The following GPC6 variants were observed in gnomAD, a reference collection of about 807,000 sequenced individuals.
The protein encoded by GPC6 is glypican-6.
In GPC6, 14 loss-of-function variants were observed where a neutral mutation model predicts 55.2. The observed-to-expected ratio is 0.25, with a 90% CI of 0.17 to 0.40. The LOEUF (loss-of-function observed/expected upper bound fraction) is 0.40, where lower values mean the gene tolerates loss of function less well. Among genes scored for constraint, GPC6 ranks in the 10% least tolerant of loss-of-function variants. The pLI is 1.00. For synonymous variants in GPC6, 278 were observed against 259.6 expected (o/e 1.07, Z -0.68); for missense variants, 641 against 708.5 (o/e 0.90, Z 1.08).
intron 1 of GPC6, among the ~76,000 whole-genome samples, chr13:93,231,360 CGTATATATATATATATAT>C (rs1876018097): frequency 2.7e-4 from 4 of 14,942 alleles, no homozygotes; most frequent in African/African-American, 9.8e-4. Flanking sequence ...TATATATATA[CGTATATATATATATATAT>C]ACATATATAT....
At chr13:93,811,974 G>A (rs922706669) in intron 2 of GPC6, among the ~76,000 whole-genome samples, 3 of 152,118 alleles carry the variant, frequency 2.0e-5, no homozygotes, top group South Asian at 2.1e-4. Context: ...TGGCACCAAC[G>A]TATATCAACA....
At chr13:94,261,346 T>G (rs1891652714) in intron 4 of GPC6, among the ~76,000 whole-genome samples, 1 of 152,132 alleles carries the variant, frequency 6.6e-6, no homozygotes, top group African/African-American at 2.4e-5. Context: ...ATGACACTGT[T>G]CTTGAAAAAG....
At chr13:94,025,027 A>C (rs1257955899) in intron 3 of GPC6, among the ~76,000 whole-genome samples, 6 of 152,248 alleles carry the variant, frequency 3.9e-5, no homozygotes, top group Non-Finnish European at 8.8e-5. Flanking sequence ...AGTTATAAAA[A>C]TGAATGAGAC....
At chr13:93,820,364 T>A (rs1344850553) in intron 2 of GPC6, among the ~76,000 whole-genome samples, 1 of 152,092 alleles carries the variant, frequency 6.6e-6, no homozygotes, top group Non-Finnish European at 1.5e-5. Context: ...TAATTTATAA[T>A]GTTTAAGAGT....
intron 2 of GPC6, chr13:93,818,645 A>C (rs1034713725): frequency 7.2e-5 from 11 of 152,274 alleles, no homozygotes; most frequent in African/African-American, 2.7e-4. Flanking sequence ...GGTGCTGATA[A>C]ATGGGAAAGA....
intron 4 of GPC6, among the ~76,000 whole-genome samples, chr13:94,034,200 A>AG (rs1555289065): frequency 1.4e-5 from 1 of 72,622 alleles, no homozygotes; most frequent in African/African-American, 3.4e-5. Flanking sequence ...AAAGAAAGAA[A>AG]GAAGGAAGGA....
chr13:94,363,954 T>C (rs1216994747), intron 6 of GPC6, among the ~76,000 whole-genome samples: 1 of 152,250 alleles, frequency 6.6e-6, no homozygotes, highest in African/African-American at 2.4e-5. Context: ...ATGTTTCGTG[T>C]TCACTATGTA....
intron 4 of GPC6, among the ~76,000 whole-genome samples, chr13:94,209,976 T>A (rs1483620559): frequency 6.6e-6 from 1 of 151,864 alleles, no homozygotes; most frequent in Non-Finnish European, 1.5e-5. Flanking sequence ...GCCTCCTGAG[T>A]AGCTGGGACC....
At chr13:93,681,179 G>A (rs1168507580) in intron 2 of GPC6, among the ~76,000 whole-genome samples, 1 of 152,034 alleles carries the variant, frequency 6.6e-6, no homozygotes, top group Non-Finnish European at 1.5e-5. Context: ...GAATAAAAAG[G>A]GATATTTAGC....
intron 4 of GPC6, among the ~76,000 whole-genome samples, chr13:94,171,189 A>G (rs1888557659): frequency 1.3e-5 from 2 of 152,302 alleles, no homozygotes; most frequent in Admixed American, 6.5e-5. Context: ...TGATTCTGCT[A>G]CTGAAGTACT....
At chr13:93,995,209 A>T (rs1462571428) in intron 3 of GPC6, among the ~76,000 whole-genome samples, 1 of 146,428 alleles carries the variant, frequency 6.8e-6, no homozygotes, top group Non-Finnish European at 1.5e-5. Context: ...TTTTTTTGAG[A>T]CTGAGTCTCG....
intron 1 of GPC6, among the ~76,000 whole-genome samples, chr13:93,521,682 G>C (rs932016766): frequency 6.6e-6 from 1 of 151,926 alleles, no homozygotes; most frequent in Non-Finnish European, 1.5e-5. Context: ...ATAATATACT[G>C]TAACATACTT....
At chr13:94,059,388 G>A (rs549251618) in intron 4 of GPC6, among the ~76,000 whole-genome samples, 10 of 151,890 alleles carry the variant, frequency 6.6e-5, no homozygotes, top group East Asian at 1.9e-4. Flanking sequence ...TTTCCTCAGC[G>A]TTTACCCTCC....
intron 4 of GPC6, among the ~76,000 whole-genome samples, chr13:94,061,995 C>G (rs1383258705): frequency 6.6e-6 from 1 of 152,086 alleles, no homozygotes; most frequent in African/African-American, 2.4e-5. Flanking sequence ...CTAAGGATCT[C>G]TTTATTTTAC....
At chr13:93,370,698 C>A (rs1484696269) in intron 1 of GPC6, among the ~76,000 whole-genome samples, 1 of 152,072 alleles carries the variant, frequency 6.6e-6, no homozygotes, top group Non-Finnish European at 1.5e-5. Flanking sequence ...ATACAGCAGG[C>A]AAATTACCAG....
the GPC6 span, among the ~76,000 whole-genome samples, chr13:93,220,244 T>C: frequency 6.6e-6 from 1 of 152,232 alleles, no homozygotes; most frequent in Admixed American, 6.5e-5. Context: ...TAAGCCTGTG[T>C]TGTTATCCAC....
chr13:93,270,251 T>TAA (rs1877472291), intron 1 of GPC6, among the ~76,000 whole-genome samples: 1 of 87,598 alleles, frequency 1.1e-5, no homozygotes. Context: ...CCTTTTCTCC[T>TAA]TAAAAAAAAA....
At chr13:94,091,894 CTGTGTGTGTGTGTTTG>C (rs897810349) in intron 4 of GPC6, among the ~76,000 whole-genome samples, 4 of 79,768 alleles carry the variant, frequency 5.0e-5, no homozygotes, top group Non-Finnish European at 7.3e-5. Flanking sequence ...AGATCAAATT[CTGTGTGTGTGTGTTTG>C]TGTGTGTGTG....
At chr13:93,719,611 T>A (rs996975318) in intron 2 of GPC6, among the ~76,000 whole-genome samples, 1 of 151,886 alleles carries the variant, frequency 6.6e-6, no homozygotes, top group Non-Finnish European at 1.5e-5. Context: ...CCAGAACTTC[T>A]AATACTATGT....
Sources: allele counts gnomAD v4.1 joint callset (sites outside exome capture counted in the v4.1 genomes callset), GRCh38; gene constraint gnomAD v4.1.1; transcripts MANE v1.5; gene names NCBI Gene and HGNC (gene_info 2026-07-23, HGNC 2026-07-21).